ARMC3: variants seen among roughly 807,000 people sequenced by gnomAD.
The protein encoded by ARMC3 is armadillo repeat-containing protein 3.
In ARMC3, 74 loss-of-function variants were observed where a neutral mutation model predicts 90.3. The ratio of observed to expected loss-of-function variants is 0.82; its 90% CI spans 0.68 to 0.99. The LOEUF (loss-of-function observed/expected upper bound fraction) is 0.99. ARMC3 is among the 50% of genes least tolerant of loss of function. ARMC3 has a pLI of 0.00. For missense variants in ARMC3, 958 were observed against 1,042.8 expected, an observed-to-expected ratio of 0.92 and a Z score of 1.12; for synonymous variants, 334 against 361.8, an observed-to-expected ratio of 0.92 and a Z score of 0.87.
At chr10:22,980,050 A>T (rs758504890) in intron 8 of ARMC3, among the ~76,000 whole-genome samples, 1 of 152,196 alleles carries the variant, frequency 6.6e-6, no homozygotes, top group Non-Finnish European at 1.5e-5. Flanking sequence ...CGTTGAAGGA[A>T]GGGAGAAATC....
chr10:23,038,292 G>A lies in ARMC3; in HGVS notation c.*813G>A, dbSNP rs1405931754. 1 of 152,050 alleles carries A rather than the reference G, an allele frequency of 6.6e-6. No individual in the cohort carries two copies. Among genetic ancestry groups the A allele is most frequent in the Non-Finnish European group, 1.5e-5 (1 of 68,016 alleles). The allele number at this position is 152,050 out of a possible 1,614,324, so 9.4% of individuals were successfully genotyped here. A position where few individuals can be genotyped will look rare whatever the true frequency, so the allele number is the denominator to read the frequency against. ...TGTTTTAGTATTGAGCACAAAATGG[G>A]GAGTAAATTCACATTTCAAATGATA... is the stretch of plus-strand genomic sequence containing the variant. On this transcript the variant is annotated 3_prime_UTR_variant, in exon 19 of 19. Coordinates refer to ENST00000298032, the MANE Select transcript of ARMC3 (RefSeq NM_173081.5).
chr10:23,004,942 C>T (rs1472745387), intron 13 of ARMC3, among the ~76,000 whole-genome samples: 3 of 152,074 alleles, frequency 2.0e-5, no homozygotes, highest in East Asian at 1.9e-4. Context: ...GGGGGCCGGG[C>T]GTGGTGGCTC....
intron 1 of ARMC3, among the ~76,000 whole-genome samples, chr10:22,930,862 A>G (rs1833899729): frequency 6.6e-6 from 1 of 152,180 alleles, no homozygotes; most frequent in South Asian, 2.1e-4. Context: ...ACATAATTCC[A>G]CAAACTCTCA....
intron 2 of ARMC3, among the ~76,000 whole-genome samples, chr10:22,939,367 T>C (rs1834233877): frequency 6.6e-6 from 1 of 152,140 alleles, no homozygotes; most frequent in Non-Finnish European, 1.5e-5. Flanking sequence ...AGGACATGCA[T>C]GAACAACTCT....
intron 2 of ARMC3, among the ~76,000 whole-genome samples, chr10:22,932,447 TGATGA>T (rs1833968740): frequency 6.6e-6 from 1 of 152,228 alleles, no homozygotes; most frequent in Admixed American, 6.5e-5. Context: ...GGTTGTCTGG[TGATGA>T]CCACTGCACG....
intron 1 of ARMC3, among the ~76,000 whole-genome samples, chr10:22,931,467 T>C (rs1833928574): frequency 6.6e-6 from 1 of 152,228 alleles, no homozygotes. Context: ...ATTCAAGACC[T>C]GGTAGATTTT....
chr10:23,032,952 C>T lies in ARMC3; in HGVS notation c.2338C>T (p.Leu780Phe), dbSNP rs1838974002. 1 of 1,613,044 alleles carries T rather than the reference C, an allele frequency of 6.2e-7. No homozygotes were observed. Among genetic ancestry groups the T allele is most frequent in the Admixed American group, 1.7e-5 (1 of 59,942 alleles). The stretch of plus-strand genomic sequence containing the variant: ...TCACATAAGTGAACTGAAATTTCAA[C>T]TTAAATCCAATGTTATACCGATTGG... ...ELHISELKFQ[L>F]KSNVIPIGHV... is the part of the protein sequence containing the mutation. Residue 780 changes from leucine to phenylalanine, a missense_variant, in exon 18 of 19, where the codon CTT (leucine) becomes TTT (phenylalanine). Coordinates refer to ENST00000298032, the MANE Select transcript of ARMC3 (RefSeq NM_173081.5).
chr10:23,005,211 C>CA (rs35706584), intron 13 of ARMC3, among the ~76,000 whole-genome samples: 8,153 of 59,772 alleles, frequency 0.14, 560 homozygotes, highest in African/African-American at 0.21. Context: ...AGACTCGTCT[C>CA]AAAAAAAAAA....
Position 23,008,797 on chromosome 10 carries a change from T to A in ARMC3, c.1929-18T>A. 1 of 1,595,592 alleles carries A rather than the reference T, an allele frequency of 6.3e-7. No homozygotes were observed. The highest frequency in any genetic ancestry group is 8.6e-7 in the Non-Finnish European group (1 of 1,164,874). On this transcript the variant is annotated intron_variant, in intron 15 of 18. Coordinates refer to ENST00000298032, the MANE Select transcript of ARMC3 (RefSeq NM_173081.5). ...CCATATGATTGAAATTGGTTGTGGT[T>A]TTTTTTCAAATGACAAGAAAAAATA... is the stretch of plus-strand genomic sequence containing the variant.
Position 22,959,054 on chromosome 10 carries a change from G to C in ARMC3, c.293-16G>C. On this transcript the variant is annotated splice_polypyrimidine_tract_variant and intron_variant, in intron 4 of 18. Coordinates refer to ENST00000298032, the MANE Select transcript of ARMC3 (RefSeq NM_173081.5). ...TATTATTAATAAACATCAATACTCTGTTTCTTCCTTTGTAGATGATGTTAA... is the reference window on the plus strand; with the variant it reads ...TATTATTAATAAACATCAATACTCTCTTTCTTCCTTTGTAGATGATGTTAA... 1 of 1,575,750 alleles carries C rather than the reference G, an allele frequency of 6.3e-7. No individual in the cohort carries two copies. The highest frequency in any genetic ancestry group is 8.7e-7 in the Non-Finnish European group (1 of 1,145,396).
chr10:22,964,911 C>T (rs1257885824), intron 7 of ARMC3, among the ~76,000 whole-genome samples: 3 of 152,068 alleles, frequency 2.0e-5, no homozygotes, highest in Non-Finnish European at 4.4e-5. Flanking sequence ...AAGTAAAATA[C>T]TAGAACCTTT....
intron 3 of ARMC3, among the ~76,000 whole-genome samples, chr10:22,947,137 C>T (rs900860801): frequency 6.6e-6 from 1 of 151,952 alleles, no homozygotes; most frequent in Non-Finnish European, 1.5e-5. Flanking sequence ...AAAACCCCAC[C>T]CCTACAAAAA....
At chr10:22,997,299 G>T (rs974552145) in intron 10 of ARMC3, 4 of 152,176 alleles carry the variant, frequency 2.6e-5, no homozygotes, top group African/African-American at 9.7e-5. Context: ...AGCTAAGCAG[G>T]GTGGGGACTG....
chr10:22,963,224 C>T (rs1374577137), intron 7 of ARMC3, among the ~76,000 whole-genome samples: 2 of 151,984 alleles, frequency 1.3e-5, no homozygotes, highest in African/African-American at 2.4e-5. Context: ...GTATTTTTAT[C>T]TATAAAATGA....
intron 8 of ARMC3, among the ~76,000 whole-genome samples, chr10:22,978,449 A>G (rs1470197059): frequency 6.6e-6 from 1 of 152,218 alleles, no homozygotes; most frequent in Non-Finnish European, 1.5e-5. Context: ...TTGTGATTCA[A>G]TTATCACCAC....
At chr10:22,957,553 A>G (rs1186454399) in intron 4 of ARMC3, among the ~76,000 whole-genome samples, 2 of 152,184 alleles carry the variant, frequency 1.3e-5, no homozygotes, top group African/African-American at 4.8e-5. Flanking sequence ...AGACTATGGT[A>G]ATACTAGTTA....
Position 22,968,420 on chromosome 10 carries a change from G to A in ARMC3, c.847G>A (p.Ala283Thr), listed in dbSNP as rs188740961. The A allele has an allele frequency of 6.2e-7, 1 of 1,612,888 alleles. No homozygotes were observed. Among genetic ancestry groups the A allele is most frequent in the Non-Finnish European group, 8.5e-7 (1 of 1,179,700 alleles). Residue 283 changes from alanine to threonine, a missense_variant, in exon 8 of 19, where the codon GCA (alanine) becomes ACA (threonine). Ala to Thr is a moderately conservative substitution (Grantham distance 58). Transcript: ENST00000298032. ...TGGLKKLLSF[A>T]ENSTIPDIQK... ...GGGTCTTAAAAAGCTCCTGTCATTT[G>A]CAGAAAACTCTACAATTCCTGATAT...
chr10:22,936,152 C>T (rs968813957), intron 2 of ARMC3, among the ~76,000 whole-genome samples: 7 of 152,052 alleles, frequency 4.6e-5, no homozygotes, highest in African/African-American at 1.4e-4. Flanking sequence ...GAATTTATAA[C>T]GATTAAAATT....
At chr10:22,958,990 TG>T in intron 4 of ARMC3, 79 bp from the exon 5 acceptor site, 1 of 1,175,352 alleles carries the variant, frequency 8.5e-7, no homozygotes, top group Admixed American at 1.7e-5. Context: ...TTCAAAGTGC[TG>T]GGATTACAGG....
Sources: allele counts gnomAD v4.1 joint callset (sites outside exome capture counted in the v4.1 genomes callset), GRCh38; gene constraint gnomAD v4.1.1; transcripts MANE v1.5; gene names NCBI Gene and HGNC (gene_info 2026-07-23, HGNC 2026-07-21).